SLC10A5: variants seen among roughly 807,000 people sequenced by gnomAD.
SLC10A5 encodes the protein solute carrier family 10 member 5, also known as sodium/bile acid cotransporter 5.
For missense variants in SLC10A5, 475 were observed against 500.7 expected (o/e 0.95, Z 0.49); for synonymous variants, 181 against 183.7 (o/e 0.99, Z 0.12).
Position 81,694,610 on chromosome 8 carries a change from C to A in SLC10A5, c.363G>T (p.Val121=), listed in dbSNP as rs1265296966. ...CTTTTTGTTTGAGCACTTTGACTTTCACATTCTTGATTTCTTCAATGAGTC... is the reference window on the plus strand; with the variant it reads ...CTTTTTGTTTGAGCACTTTGACTTTAACATTCTTGATTTCTTCAATGAGTC... ...QERLIEEIKN[V]KVKVLKQKDS... is the part of the protein sequence containing the mutation. The change falls in exon 1 of 1, where the codon GTG becomes GTT. Residue 121 remains valine (V), a synonymous_variant. Transcript: ENST00000518568. 1 of 1,613,976 alleles carries A rather than the reference C, an allele frequency of 6.2e-7. No individual in the cohort carries two copies. The highest frequency in any genetic ancestry group is 8.5e-7 in the Non-Finnish European group (1 of 1,180,042).
Position 81,694,305 on chromosome 8 carries a change from A to G in SLC10A5, c.668T>C (p.Leu223Pro). The G allele has an allele frequency of 6.2e-7, 1 of 1,614,152 alleles. No homozygotes were observed. The highest frequency in any genetic ancestry group is 8.5e-7 in the Non-Finnish European group (1 of 1,180,034). ...CTCPGGGGGY[L>P]FALLLDGDFT... is the part of the protein sequence containing the mutation. ...ATCTCCATCTAGAAGCAGAGCAAAGAGATAGCCCCCACCCCCTCCTGGGCA... is the reference window on the plus strand; with the variant it reads ...ATCTCCATCTAGAAGCAGAGCAAAGGGATAGCCCCCACCCCCTCCTGGGCA... Residue 223 changes from leucine (L) to proline (P), a missense_variant, in exon 1 of 1, where the codon CTC (leucine) becomes CCC (proline). Coordinates refer to ENST00000518568, the MANE Select transcript of SLC10A5 (RefSeq NM_001010893.3).
Position 81,694,953 on chromosome 8 carries a change from A to G in SLC10A5, c.20T>C (p.Ile7Thr), listed in dbSNP as rs761997741. The change falls in exon 1 of 1, where the codon ATT (isoleucine) becomes ACT (threonine). Residue 7 changes from isoleucine to threonine, a missense_variant. Transcript: ENST00000518568. ...AGTCACAAGCAACAAAAGTAGAACA[A>G]TAAAAAGTTTTCTAATCATTTTGAA... MIRKLF[I>T]VLLLLLVTIE... is the part of the protein sequence containing the mutation. 6.4e-7 allele frequency: 1 copy of G among 1,557,690 alleles called. No individual in the cohort carries two copies. The highest frequency in any genetic ancestry group is 8.6e-7 in the Non-Finnish European group (1 of 1,160,194).
In SLC10A5 at chr8:81,694,393, G is replaced by C; in HGVS notation, c.580C>G (p.Leu194Val). 1 of 1,613,486 alleles carries C rather than the reference G, an allele frequency of 6.2e-7. No homozygotes were observed. Among genetic ancestry groups the C allele is most frequent in the South Asian group, 1.1e-5 (1 of 91,072 alleles). ...QFFLMPFCGF[L>V]LSQIVALPEA... Reference sequence around the variant, plus strand: ...GGCAATGCCACAATCTGAGACAAAAGAAACCCGCAAAATGGCATCAGAAAA... The same window carrying C: ...GGCAATGCCACAATCTGAGACAAAACAAACCCGCAAAATGGCATCAGAAAA... Residue 194 changes from leucine (L) to valine (V), a missense_variant, in exon 1 of 1, where the codon CTT becomes GTT. By Grantham distance (32) the Leu-to-Val change is conservative. Coordinates refer to ENST00000518568, the MANE Select transcript of SLC10A5 (RefSeq NM_001010893.3).
In SLC10A5 at chr8:81,694,848, T is replaced by G; in HGVS notation, c.125A>C (p.Glu42Ala). 1 of 1,613,952 alleles carries G rather than the reference T, an allele frequency of 6.2e-7. No individual in the cohort carries two copies. Among genetic ancestry groups the G allele is most frequent in the Non-Finnish European group, 8.5e-7 (1 of 1,179,974 alleles). ...TEILFFTKTEETILVSSSYEN... is the reference protein window; with the variant it reads ...TEILFFTKTEATILVSSSYEN... ...GTAGCTTGAACTTACAAGGATGGTT[T>G]CTTCAGTCTTTGTGAAAAATAGTAT... Residue 42 changes from glutamate (E) to alanine (A), a missense_variant, in exon 1 of 1, where the codon GAA (glutamate) becomes GCA (alanine). Transcript: ENST00000518568.
In SLC10A5 at chr8:81,694,668, A is replaced by G. The variant is rs1194111069; in HGVS notation, c.305T>C (p.Ile102Thr). The change falls in exon 1 of 1, where the codon ATT becomes ACT. Residue 102 changes from isoleucine to threonine, a missense_variant. Transcript: ENST00000518568. ...CCTACCTTCAGAATCCCAGAGTTGA[A>G]TAGTCACATTTGTTTCTCCTTCTTC... Reference protein sequence around the residue: ...TDEEGETNVTIQLWDSEGRQE... With the variant: ...TDEEGETNVTTQLWDSEGRQE... The G allele has an allele frequency of 1.9e-6, 3 of 1,613,906 alleles. No individual in the cohort carries two copies. Among genetic ancestry groups the G allele is most frequent in the African/African-American group, 2.7e-5 (2 of 74,944 alleles).
Position 81,694,372 on chromosome 8 carries a change from A to G in SLC10A5, c.601T>C (p.Leu201=). 6.2e-7 allele frequency: 1 copy of G among 1,613,994 alleles called. No homozygotes were observed. The highest frequency in any genetic ancestry group is 8.5e-7 in the Non-Finnish European group (1 of 1,179,992). ...CGFLLSQIVA[L]PEAQAFGVVM... The stretch of plus-strand genomic sequence containing the variant: ...ACTCCAAAAGCTTGCGCCTCAGGCA[A>G]TGCCACAATCTGAGACAAAAGAAAC... Residue 201 remains leucine, a synonymous_variant, in exon 1 of 1, where the codon TTG becomes CTG. Transcript: ENST00000518568.
rs113641438 is a variant in SLC10A5, at chr8:81,694,095, T to C, written c.878A>G (p.His293Arg). Residue 293 changes from histidine to arginine, a missense_variant, in exon 1 of 1, where the codon CAT becomes CGT. Coordinates refer to ENST00000518568, the MANE Select transcript of SLC10A5 (RefSeq NM_001010893.3). ...VPVSIGIVIKHRIPEKASFLE... is the reference protein window; with the variant it reads ...VPVSIGIVIKRRIPEKASFLE... Reference sequence around the variant, plus strand: ...GAAGCTTGCTTTTTCAGGTATTCTATGCTTGATGACTATTCCAATTGATAC... The same window carrying C: ...GAAGCTTGCTTTTTCAGGTATTCTACGCTTGATGACTATTCCAATTGATAC... 46 of 1,614,154 alleles carry C rather than the reference T, an allele frequency of 2.8e-5. No individual in the cohort carries two copies. Among genetic ancestry groups the C allele is most frequent in the African/African-American group, 1.6e-4 (12 of 75,054 alleles).
rs747295613 is a variant in SLC10A5 at position 81,694,400 on chromosome 8, G to A, written c.573C>T (p.Cys191=). Reference sequence around the variant, plus strand: ...CCACAATCTGAGACAAAAGAAACCCGCAAAATGGCATCAGAAAAAACTGTG... The same window carrying A: ...CCACAATCTGAGACAAAAGAAACCCACAAAATGGCATCAGAAAAAACTGTG... ...AVTQFFLMPF[C]GFLLSQIVAL... is the part of the protein sequence containing the mutation. Residue 191 remains cysteine, a synonymous_variant, in exon 1 of 1, where the codon TGC becomes TGT. Coordinates refer to ENST00000518568, the MANE Select transcript of SLC10A5 (RefSeq NM_001010893.3). 1.7e-5 allele frequency: 27 copies of A among 1,613,494 alleles called. No individual in the cohort carries two copies. The highest frequency in any genetic ancestry group is 7.7e-5 in the South Asian group (7 of 91,068).
Position 81,694,937 on chromosome 8 carries a change from C to T in SLC10A5, c.36G>A (p.Leu12=). ...IRKLFIVLLL[L]LVTIEEARMS... is the part of the protein sequence containing the mutation. The stretch of plus-strand genomic sequence containing the variant: ...TCCTTGCTTCTTCTATAGTCACAAG[C>T]AACAAAAGTAGAACAATAAAAAGTT... Residue 12 remains leucine, a synonymous_variant, in exon 1 of 1, where the codon TTG becomes TTA. Coordinates refer to ENST00000518568, the MANE Select transcript of SLC10A5 (RefSeq NM_001010893.3). The T allele has an allele frequency of 2.5e-6, 4 of 1,574,034 alleles. No homozygotes were observed. In the South Asian group the frequency reaches 4.7e-5, roughly 19 times the overall value.
chr8:81,694,249 A>T lies in SLC10A5; in HGVS notation c.724T>A (p.Ser242Thr). Residue 242 changes from serine to threonine, a missense_variant, in exon 1 of 1, where the codon TCA (serine) becomes ACA (threonine). Physicochemically the swap from Ser to Thr is moderately conservative, Grantham distance 58 (BLOSUM62 1). Transcript: ENST00000518568. ...FTLAILMTCT[S>T]TLLALIMMPV... ...ATCATGATCAGAGCCAATAATGTTG[A>T]TGTGCAAGTCATCAAAATGGCCAAT... 1 of 1,614,174 alleles carries T rather than the reference A, an allele frequency of 6.2e-7. No homozygotes were observed. The highest frequency in any genetic ancestry group is 8.5e-7 in the Non-Finnish European group (1 of 1,180,020).
chr8:81,693,998 T>C lies in SLC10A5; in HGVS notation c.975A>G (p.Gly325=). ...FVGIYLTFTV[G]LVFLKTDNLE... ...GATTATCTGTTTTTAAGAACACTAA[T>C]CCCACTGTGAAAGTCAAATAAATTC... Residue 325 remains glycine (G), a synonymous_variant, in exon 1 of 1, where the codon GGA becomes GGG. Transcript: ENST00000518568. 3 of 1,613,818 alleles carry C rather than the reference T, an allele frequency of 1.9e-6. No individual in the cohort carries two copies. The highest frequency in any genetic ancestry group is 2.5e-6 in the Non-Finnish European group (3 of 1,180,024).
Position 81,693,940 on chromosome 8 carries a change from C to G in SLC10A5, c.1033G>C (p.Ala345Pro). 6.2e-7 allele frequency: 1 copy of G among 1,614,074 alleles called. No homozygotes were observed. The highest frequency in any genetic ancestry group is 8.5e-7 in the Non-Finnish European group (1 of 1,180,030). ...GAGTACCCAAACAGCAAACCCAAAGCAGGAACTAAGAGACCCAACAGAATC... is the reference window on the plus strand; with the variant it reads ...GAGTACCCAAACAGCAAACCCAAAGGAGGAACTAAGAGACCCAACAGAATC... ...EVILLGLLVP[A>P]LGLLFGYSFA... Residue 345 changes from alanine to proline, a missense_variant, in exon 1 of 1, where the codon GCT becomes CCT. Transcript: ENST00000518568.
chr8:81,694,552 T>C lies in SLC10A5; in HGVS notation c.421A>G (p.Arg141Gly), dbSNP rs539276862. Residue 141 changes from arginine to glycine, a missense_variant, in exon 1 of 1, where the codon AGA (arginine) becomes GGA (glycine). Arg to Gly is a moderately radical substitution (Grantham distance 125, BLOSUM62 -2). Coordinates refer to ENST00000518568, the MANE Select transcript of SLC10A5 (RefSeq NM_001010893.3). ...GGTAAAATAAGCATTAGGATATTTC[T>C]ATCAATATGCATTGGTGCCTGGAGT... ...SLLQAPMHIDRNILMLILPLI... is the reference protein window; with the variant it reads ...SLLQAPMHIDGNILMLILPLI... 6 of 1,614,202 alleles carry C rather than the reference T, an allele frequency of 3.7e-6. No homozygotes were observed. In the African/African-American group the frequency reaches 4.0e-5, roughly 11 times the overall value.
rs749512548 is a variant in SLC10A5 at position 81,693,820 on chromosome 8, GAATAACGGCAAGAGCTA to G, written c.1136_1152del (p.Leu379SerfsTer26). ...GCCTTGGACTGTGGAAAAGACAGCT[GAATAACGGCAAGAGCTA>G]AGAAACTATTTAACATCCCACTTTC... On this transcript the variant is annotated frameshift_variant, in exon 1 of 1. Transcript: ENST00000518568. LOFTEE classifies it low-confidence loss of function (END_TRUNC). The G allele has an allele frequency of 4.3e-6, 7 of 1,613,988 alleles. No homozygotes were observed. In the Admixed American group the frequency reaches 1.2e-4, roughly 27 times the overall value.
Position 81,694,376 on chromosome 8 carries a change from C to G in SLC10A5, c.597G>C (p.Val199=), listed in dbSNP as rs142380439. 23 of 1,613,842 alleles carry G rather than the reference C, an allele frequency of 1.4e-5. No individual in the cohort carries two copies. In the African/African-American group the frequency reaches 3.1e-4, roughly 22 times the overall value. Residue 199 remains valine (V), a synonymous_variant, in exon 1 of 1, where the codon GTG becomes GTC. Coordinates refer to ENST00000518568, the MANE Select transcript of SLC10A5 (RefSeq NM_001010893.3). The stretch of plus-strand genomic sequence containing the variant: ...CAAAAGCTTGCGCCTCAGGCAATGC[C>G]ACAATCTGAGACAAAAGAAACCCGC... ...PFCGFLLSQI[V]ALPEAQAFGV...
rs1807684485 is a variant in SLC10A5 at position 81,693,895 on chromosome 8, G to A, written c.1078C>T (p.Leu360=). Residue 360 remains leucine, a synonymous_variant, in exon 1 of 1, where the codon CTG becomes TTG. Transcript: ENST00000518568. ...FGYSFAKVCT[L]PLPVCKTVAI... is the part of the protein sequence containing the mutation. ...ACAGTTTTACAAACAGGAAGAGGCA[G>A]CGTACAAACTTTAGCAAAGGAGTAC... 1 of 1,613,850 alleles carries A rather than the reference G, an allele frequency of 6.2e-7. No homozygotes were observed. The highest frequency in any genetic ancestry group is 1.7e-5 in the Admixed American group (1 of 59,966).
Position 81,694,758 on chromosome 8 carries a change from A to T in SLC10A5, c.215T>A (p.Met72Lys), listed in dbSNP as rs1267211689. Residue 72 changes from methionine to lysine, a missense_variant, in exon 1 of 1, where the codon ATG (methionine) becomes AAG (lysine). Transcript: ENST00000518568. Reference sequence around the variant, plus strand: ...TGAGATCTTCTTGGCCACATTCACCATTTGTAGTATTTTAGGATCTTCTAT... The same window carrying T: ...TGAGATCTTCTTGGCCACATTCACCTTTTGTAGTATTTTAGGATCTTCTAT... ...VKIEDPKILQMVNVAKKISSD... is the reference protein window; with the variant it reads ...VKIEDPKILQKVNVAKKISSD... 1.9e-6 allele frequency: 3 copies of T among 1,614,042 alleles called. No individual in the cohort carries two copies. Among genetic ancestry groups the T allele is most frequent in the African/African-American group, 2.7e-5 (2 of 75,034 alleles).
chr8:81,694,307 A>T lies in SLC10A5; in HGVS notation c.666T>A (p.Tyr222Ter). The stretch of plus-strand genomic sequence containing the variant: ...CTCCATCTAGAAGCAGAGCAAAGAG[A>T]TAGCCCCCACCCCCTCCTGGGCACG... The part of the protein sequence containing the change: ...TCTCPGGGGG[Y>*]LFALLLDGDF... Residue 222 changes from tyrosine (Y) to a stop codon, truncating the protein, a stop_gained, in exon 1 of 1, where the codon TAT (tyrosine) becomes TAA (stop). Transcript: ENST00000518568. LOFTEE classifies it low-confidence loss of function (END_TRUNC). 8.7e-6 allele frequency: 14 copies of T among 1,614,146 alleles called. No individual in the cohort carries two copies. The highest frequency in any genetic ancestry group is 1.1e-5 in the Non-Finnish European group (13 of 1,180,022).
rs779839668 is a variant in SLC10A5, at chr8:81,694,332, G to A, written c.641C>T (p.Thr214Met). The A allele has an allele frequency of 3.3e-5, 53 of 1,613,614 alleles. No individual in the cohort carries two copies. Among genetic ancestry groups the A allele is most frequent in the South Asian group, 2.7e-4 (25 of 91,068 alleles). The stretch of plus-strand genomic sequence containing the variant: ...ATAGCCCCCACCCCCTCCTGGGCAC[G>A]TGCAGGTCATTACAACTCCAAAAGC... The part of the protein sequence containing the change: ...AQAFGVVMTC[T>M]CPGGGGGYLF... Residue 214 changes from threonine to methionine, a missense_variant, in exon 1 of 1, where the codon ACG (threonine) becomes ATG (methionine). By Grantham distance (81) the Thr-to-Met change is moderately conservative (BLOSUM62 -1). Transcript: ENST00000518568.
Sources: allele counts gnomAD v4.1 joint callset, GRCh38; gene constraint gnomAD v4.1.1; transcripts MANE v1.5; gene names NCBI Gene and HGNC (gene_info 2026-07-23, HGNC 2026-07-21).